DEF6: variants seen among roughly 807,000 people sequenced by gnomAD.
The protein encoded by DEF6 is DEF6 guanine nucleotide exchange factor.
A neutral mutation model predicts 80.5 loss-of-function variants in DEF6; 32 were observed. The ratio of observed to expected loss-of-function variants is 0.40; its 90% confidence interval spans 0.30 to 0.53. The LOEUF is 0.53. Among genes scored for constraint, DEF6 ranks in the 20% least tolerant of loss-of-function variants. The pLI, the probability that DEF6 is intolerant of heterozygous loss-of-function variation, is 0.57. For missense variants in DEF6, 575 were observed against 818.7 expected, an observed-to-expected ratio of 0.70 and a Z score of 3.63; for synonymous variants, 300 against 337.9, an observed-to-expected ratio of 0.89 and a Z score of 1.23.
At chr6:35,314,654 A>C (rs1484864073) in intron 5 of DEF6, among the ~76,000 whole-genome samples, 1 of 152,016 alleles carries the variant, frequency 6.6e-6, no homozygotes, top group African/African-American at 2.4e-5. Flanking sequence ...CTCCTTATAT[A>C]TTCTGGTTAT....
At position 35,297,851 on chromosome 6, in the gene DEF6, T is replaced by C. The variant is rs768470074; in HGVS notation, c.-6T>C. ...AGCCGCCCCCAGCCGGGCGGGCGCC[T>C]CAGCCATGGCCCTGCGCAAGGAACT... On this transcript the variant is annotated 5_prime_UTR_variant, in exon 1 of 11. Coordinates refer to ENST00000316637, the MANE Select transcript of DEF6 (RefSeq NM_022047.4). 6.3e-7 allele frequency: 1 copy of C among 1,592,314 alleles called. No individual in the cohort carries two copies. The highest frequency in any genetic ancestry group is 8.5e-7 in the Non-Finnish European group (1 of 1,170,390).
intron 2 of DEF6, 110 bp downstream of exon 2, chr6:35,309,920 C>A: frequency 7.7e-7 from 1 of 1,296,806 alleles, no homozygotes; most frequent in Non-Finnish European, 1.1e-6. Context: ...TAAACTCCTA[C>A]TTCTGCCTGC....
intron 3 of DEF6, among the ~76,000 whole-genome samples, chr6:35,311,873 C>T (rs528095182): frequency 2.0e-5 from 3 of 152,320 alleles, no homozygotes; most frequent in East Asian, 1.9e-4. Context: ...AGATCAGAAT[C>T]GGGTTCTGGC....
At chr6:35,315,168 T>C (rs1037483600) in intron 5 of DEF6, among the ~76,000 whole-genome samples, 4 of 152,222 alleles carry the variant, frequency 2.6e-5, no homozygotes, top group Non-Finnish European at 4.4e-5. Flanking sequence ...ATTTGGTTAC[T>C]ATAGCTTTGT....
chr6:35,301,208 A>G (rs1247197632), intron 1 of DEF6, among the ~76,000 whole-genome samples: 1 of 152,122 alleles, frequency 6.6e-6, no homozygotes, highest in Non-Finnish European at 1.5e-5. Flanking sequence ...GTGGAGGAAA[A>G]GTTAAGAACA....
chr6:35,305,485 G>A (rs1270132165), intron 1 of DEF6, among the ~76,000 whole-genome samples: 3 of 151,936 alleles, frequency 2.0e-5, no homozygotes, highest in African/African-American at 4.8e-5. Flanking sequence ...GTGAGACCCC[G>A]TCTCTAAATA....
intron 1 of DEF6, among the ~76,000 whole-genome samples, chr6:35,299,694 C>G (rs567434313): frequency 1.3e-5 from 2 of 152,304 alleles, no homozygotes; most frequent in South Asian, 4.1e-4. Context: ...AGCAACATCT[C>G]TGGTCACACA....
intron 5 of DEF6, 45 bp from the exon 6 acceptor site, chr6:35,317,846 G>T: frequency 6.4e-7 from 1 of 1,571,788 alleles, no homozygotes; most frequent in South Asian, 1.1e-5. Context: ...GTGGGGCCCT[G>T]ACCCAGTGAG....
At chr6:35,317,213 T>A (rs868211563) in intron 5 of DEF6, among the ~76,000 whole-genome samples, 3 of 152,216 alleles carry the variant, frequency 2.0e-5, no homozygotes, top group Non-Finnish European at 2.9e-5. Flanking sequence ...AGCACGGATC[T>A]ACGCAGAAGT....
At position 35,319,743 on chromosome 6, in the gene DEF6, C is replaced by A. The variant is rs1016161698; in HGVS notation, c.1382+53C>A. On this transcript the variant is annotated intron_variant, in intron 8 of 10. Transcript: ENST00000316637. This position sits in a 1 kb window ranked among gnomAD's most constrained non-coding sequence, Gnocchi z 4.5. ...TCTCACCACCCCTCCTGGAACACAC[C>A]CCAGTTTTCCTGCTTGCTGTGCACC... 1.5e-5 allele frequency: 24 copies of A among 1,610,004 alleles called. No individual in the cohort carries two copies. Among genetic ancestry groups the A allele is most frequent in the Middle Eastern group, 1.6e-4 (1 of 6,074 alleles).
At position 35,319,823 on chromosome 6, in the gene DEF6, C is replaced by T. The variant is rs759819814; in HGVS notation, c.1387C>T (p.Leu463=). 3 of 1,597,778 alleles carry T rather than the reference C, an allele frequency of 1.9e-6. No individual in the cohort carries two copies. The highest frequency in any genetic ancestry group is 1.1e-5 in the South Asian group (1 of 89,098). The change falls in exon 9 of 11, where the codon CTG becomes TTG. Residue 463 remains leucine (L), a synonymous_variant. Transcript: ENST00000316637. The surrounding 1 kb of genome is among the most constrained non-coding windows in gnomAD (Gnocchi z 4.5). ...ESVRIAQTRL[L]EEEEEKLKQL... ...CAGTACACACTCACCCGGCAGACTGCTGGAAGAGGAGGAAGAGAAGCTGAA... is the reference window on the plus strand; with the variant it reads ...CAGTACACACTCACCCGGCAGACTGTTGGAAGAGGAGGAAGAGAAGCTGAA...
At chr6:35,308,524 T>G (rs1385399459) in intron 1 of DEF6, among the ~76,000 whole-genome samples, 1 of 151,700 alleles carries the variant, frequency 6.6e-6, no homozygotes, top group East Asian at 1.9e-4. Flanking sequence ...AATACAAAAA[T>G]TAGCTGAATG....
Position 35,312,829 on chromosome 6 carries a change from A to T in DEF6, c.807+57A>T. The T allele has an allele frequency of 2.6e-6, 4 of 1,522,964 alleles. No individual in the cohort carries two copies. The highest frequency in any genetic ancestry group is 3.6e-6 in the Non-Finnish European group (4 of 1,116,220). The allele number at this position is 1,522,964 out of a possible 1,614,324, so 94.3% of individuals were successfully genotyped here. On this transcript the variant is annotated intron_variant, in intron 5 of 10. Coordinates refer to ENST00000316637, the MANE Select transcript of DEF6 (RefSeq NM_022047.4). The surrounding 1 kb of genome is among the most constrained non-coding windows in gnomAD (Gnocchi z 6.6). ...CAGGGCCCAGAGTGTCCTCAGGGGC[A>T]TGAGAAGACAAGGGGGTCAGGAGAG...
At position 35,304,826 on chromosome 6, in the gene DEF6, A is replaced by G. The variant is rs140110228; in HGVS notation, c.97-4844A>G. Among the ~76,000 whole-genome samples, 425 of 152,140 alleles carry G rather than the reference A, an allele frequency of 2.8e-3. 3 individuals are homozygous for G. Among genetic ancestry groups the G allele is most frequent in the African/African-American group, 9.4e-3 (390 of 41,518 alleles). ...AGCAAAAGAATATTATTATAGAGCAACTTAATAGGGCAAATTAATAACTGG... is the reference window on the plus strand; with the variant it reads ...AGCAAAAGAATATTATTATAGAGCAGCTTAATAGGGCAAATTAATAACTGG... On this transcript the variant is annotated intron_variant, in intron 1 of 10. Coordinates refer to ENST00000316637, the MANE Select transcript of DEF6 (RefSeq NM_022047.4).
chr6:35,298,090 G>T (rs1178809536), intron 1 of DEF6, 138 bp downstream of exon 1: 12 of 763,204 alleles, frequency 1.6e-5, no homozygotes, highest in Non-Finnish European at 2.4e-5. Context: ...TCGGGGGGCT[G>T]GTCCTGGGTA....
At chr6:35,306,778 A>C (rs1435600233) in intron 1 of DEF6, among the ~76,000 whole-genome samples, 1 of 152,222 alleles carries the variant, frequency 6.6e-6, no homozygotes, top group Non-Finnish European at 1.5e-5. Flanking sequence ...ATGTCTGTTC[A>C]TATAAACATA....
At chr6:35,304,230 A>C (rs1454758716) in intron 1 of DEF6, among the ~76,000 whole-genome samples, 2 of 152,242 alleles carry the variant, frequency 1.3e-5, no homozygotes, top group East Asian at 3.8e-4. Context: ...CTGATATGGG[A>C]AGATCACCTG....
chr6:35,300,668 T>C (rs950414796), intron 1 of DEF6, among the ~76,000 whole-genome samples: 2 of 152,144 alleles, frequency 1.3e-5, no homozygotes, highest in Non-Finnish European at 2.9e-5. Context: ...AGTAAACCAA[T>C]AGGAATGGCA....
At chr6:35,301,658 C>T (rs181850437) in intron 1 of DEF6, among the ~76,000 whole-genome samples, 1 of 151,694 alleles carries the variant, frequency 6.6e-6, no homozygotes, top group Admixed American at 6.6e-5. Context: ...AGTGTTCCTC[C>T]ATGATAGTAG....
Sources: gnomAD v4.1 joint callset for allele counts (sites outside exome capture counted in the v4.1 genomes callset) on GRCh38, gnomAD v4.1.1 for gene constraint, Gnocchi (gnomAD v3.1) non-coding constraint, MANE v1.5 for transcripts, NCBI Gene and HGNC (gene_info 2026-07-23, HGNC 2026-07-21) for gene names.